Variants in CSMD1 observed in about 807,000 individuals in gnomAD.
CSMD1 encodes CUB and Sushi multiple domains 1, also known as CUB and sushi domain-containing protein 1.
CSMD1 carries 213 observed loss-of-function variants against 417.5 expected under a neutral mutation model. That is an observed-to-expected ratio of 0.51 (90% CI 0.46 to 0.57). The LOEUF is 0.57. Among genes scored for constraint, CSMD1 ranks in the 20% least tolerant of loss-of-function variants. CSMD1 has a pLI of 0.00. For missense variants in CSMD1, 6,923 were observed against 4,529.7 expected, an observed-to-expected ratio of 1.53 and a Z score of -15.17; for synonymous variants, 2,862 against 1,736.8, an observed-to-expected ratio of 1.65 and a Z score of -16.11.
intron 8 of CSMD1, among the ~76,000 whole-genome samples, chr8:3,594,668 A>G (rs968515452): frequency 6.6e-6 from 1 of 151,966 alleles, no homozygotes; most frequent in African/African-American, 2.4e-5. Context: ...CCCTTCTCTC[A>G]CTTCTGAGGC....
intron 7 of CSMD1, among the ~76,000 whole-genome samples, chr8:3,638,302 C>G (rs1020497684): frequency 4.6e-5 from 7 of 152,098 alleles, no homozygotes; most frequent in African/African-American, 1.7e-4. Flanking sequence ...AATGTGTCAT[C>G]CATTTACAGT....
chr8:4,452,110 T>A (rs1433710020), intron 2 of CSMD1, among the ~76,000 whole-genome samples: 11 of 152,182 alleles, frequency 7.2e-5, no homozygotes, highest in Admixed American at 6.5e-4. Flanking sequence ...GGCAGTGTGA[T>A]GCTTCCAGAG....
At chr8:4,122,772 A>G (rs907536435) in intron 3 of CSMD1, among the ~76,000 whole-genome samples, 2 of 152,154 alleles carry the variant, frequency 1.3e-5, no homozygotes, top group Admixed American at 6.6e-5. Context: ...GCTCTTATCA[A>G]TGGAAGTCAC....
At chr8:4,981,837 T>A (rs948241928) in intron 1 of CSMD1, among the ~76,000 whole-genome samples, 7 of 152,168 alleles carry the variant, frequency 4.6e-5, no homozygotes, top group African/African-American at 1.4e-4. Context: ...TACAGGATTA[T>A]GTGATTACAT....
chr8:3,991,894 T>C (rs1258787332), intron 5 of CSMD1, among the ~76,000 whole-genome samples: 3 of 152,198 alleles, frequency 2.0e-5, no homozygotes, highest in South Asian at 2.1e-4. Flanking sequence ...GGAATAGTAG[T>C]ATCTCCAAGT....
chr8:3,793,334 G>A (rs1044293730), intron 5 of CSMD1, among the ~76,000 whole-genome samples: 3 of 152,138 alleles, frequency 2.0e-5, no homozygotes, highest in African/African-American at 7.2e-5. Flanking sequence ...CAGCTAGAAT[G>A]TCCATGACTA....
chr8:4,557,400 G>T (rs567497385), intron 2 of CSMD1, among the ~76,000 whole-genome samples: 2 of 151,270 alleles, frequency 1.3e-5, no homozygotes, highest in African/African-American at 4.8e-5. Flanking sequence ...AGAATTCACA[G>T]CATAGTAATC....
At chr8:4,809,025 G>A (rs532498570) in intron 1 of CSMD1, among the ~76,000 whole-genome samples, 2 of 152,220 alleles carry the variant, frequency 1.3e-5, no homozygotes, top group African/African-American at 4.8e-5. Flanking sequence ...TTGTCTTGCC[G>A]AGTTTTACTT....
intron 2 of CSMD1, among the ~76,000 whole-genome samples, chr8:4,604,508 A>G (rs1163508174): frequency 6.6e-6 from 1 of 151,846 alleles, no homozygotes; most frequent in Non-Finnish European, 1.5e-5. Context: ...TTAGCTTCTG[A>G]CTTGATTATG....
chr8:3,497,098 A>T (rs112913871), intron 10 of CSMD1, among the ~76,000 whole-genome samples: 33 of 152,306 alleles, frequency 2.2e-4, no homozygotes, highest in African/African-American at 7.9e-4. Flanking sequence ...CCATGTACTG[A>T]TGAGAAAAAT....
chr8:3,062,384 G>A (rs1812646277), intron 49 of CSMD1, among the ~76,000 whole-genome samples: 1 of 152,080 alleles, frequency 6.6e-6, no homozygotes, highest in African/African-American at 2.4e-5. Context: ...TGTGTAGGTG[G>A]TGCGATGTCG....
chr8:4,414,893 T>C (rs988103082), intron 3 of CSMD1, among the ~76,000 whole-genome samples: 6 of 152,158 alleles, frequency 3.9e-5, no homozygotes, highest in African/African-American at 1.4e-4. Context: ...CTGGCTTCCA[T>C]TAAGTGCTCT....
chr8:3,208,480 T>C (rs1351614884), intron 30 of CSMD1, among the ~76,000 whole-genome samples: 1 of 152,156 alleles, frequency 6.6e-6, no homozygotes, highest in Non-Finnish European at 1.5e-5. Context: ...TTGGCTAGGA[T>C]GGTCTGGATC....
At chr8:3,963,614 C>T (rs773337062) in intron 5 of CSMD1, among the ~76,000 whole-genome samples, 2 of 152,086 alleles carry the variant, frequency 1.3e-5, no homozygotes, top group Admixed American at 6.5e-5. Flanking sequence ...AATTTAGTAG[C>T]ACATATGGTA....
At chr8:4,004,385 G>A (rs1419312150) in intron 4 of CSMD1, among the ~76,000 whole-genome samples, 1 of 148,088 alleles carries the variant, frequency 6.8e-6, no homozygotes, top group Non-Finnish European at 1.5e-5. Context: ...TAGAGATGCT[G>A]TTGTTTTTGT....
At chr8:3,982,989 A>G (rs2627442) in intron 5 of CSMD1, among the ~76,000 whole-genome samples, 118,902 of 151,986 alleles carry the variant, frequency 0.78, 46,644 homozygotes, top group East Asian at 0.89. Context: ...TAGGGCCCCT[A>G]GAGCTAGTTA....
chr8:3,919,900 G>A (rs998557881), intron 5 of CSMD1, among the ~76,000 whole-genome samples: 4 of 151,984 alleles, frequency 2.6e-5, no homozygotes, highest in Admixed American at 6.6e-5. Flanking sequence ...CATTCAAAAT[G>A]AGATTTTTTT....
chr8:3,731,942 T>C (rs1482336369), intron 6 of CSMD1, among the ~76,000 whole-genome samples: 1 of 152,152 alleles, frequency 6.6e-6, no homozygotes, highest in Non-Finnish European at 1.5e-5. Flanking sequence ...AACCATACAA[T>C]GGACTCCAAA....
chr8:4,457,045 C>G (rs1799533377), intron 2 of CSMD1, among the ~76,000 whole-genome samples: 1 of 150,974 alleles, frequency 6.6e-6, no homozygotes, highest in Admixed American at 6.6e-5. Context: ...CCTGGAGCAT[C>G]TCAGAGAATT....
Sources: allele counts gnomAD v4.1 joint callset (sites outside exome capture counted in the v4.1 genomes callset), GRCh38; gene constraint gnomAD v4.1.1; transcripts MANE v1.5; gene names NCBI Gene and HGNC (gene_info 2026-07-23, HGNC 2026-07-21).